The following DPH6 variants were observed in gnomAD, a reference collection of about 807,000 sequenced individuals.
The protein encoded by DPH6 is diphthamine biosynthesis 6.
DPH6 carries 33 observed loss-of-function variants against 38.2 expected under a neutral mutation model. The observed-to-expected ratio is 0.86, with a 90% confidence interval of 0.65 to 1.15. The LOEUF (loss-of-function observed/expected upper bound fraction) is 1.15, where lower values mean the gene tolerates loss of function less well. Ranked by LOEUF, DPH6 falls within the 50% of genes most tolerant of loss-of-function variation. DPH6 has a pLI of 0.00. For missense variants in DPH6, 325 were observed against 320.0 expected, an observed-to-expected ratio of 1.02 and a Z score of -0.12; for synonymous variants, 108 against 103.0, an observed-to-expected ratio of 1.05 and a Z score of -0.30.
downstream of DPH6, among the ~76,000 whole-genome samples, chr15:35,370,661 A>G (rs896652507): frequency 4.0e-5 from 6 of 151,718 alleles, no homozygotes; most frequent in African/African-American, 1.4e-4. Context: ...CCAGAATGGC[A>G]AAAGTCCAAA....
At chr15:35,530,951 C>T (rs892371480) in intron 3 of DPH6, among the ~76,000 whole-genome samples, 3 of 152,158 alleles carry the variant, frequency 2.0e-5, no homozygotes, top group African/African-American at 7.2e-5. Flanking sequence ...GCCAAGGGAC[C>T]AGGTTTAATA....
chr15:35,484,919 A>G (rs957495470), intron 3 of DPH6, among the ~76,000 whole-genome samples: 3 of 152,206 alleles, frequency 2.0e-5, no homozygotes, highest in African/African-American at 7.2e-5. Context: ...CAGAAACTAA[A>G]AGCAAGAAAG....
the DPH6 span, among the ~76,000 whole-genome samples, chr15:35,171,854 T>C: frequency 0.054 from 8,193 of 150,672 alleles, 742 homozygotes; most frequent in African/African-American, 0.19. Flanking sequence ...TTATAATATA[T>C]ATATATTCTT....
At chr15:35,206,551 G>A in the DPH6 span, among the ~76,000 whole-genome samples, 66 of 152,268 alleles carry the variant, frequency 4.3e-4, no homozygotes, top group African/African-American at 1.4e-3. Flanking sequence ...AACTTAGTAA[G>A]TGCCTGCTCC....
the DPH6 span, among the ~76,000 whole-genome samples, chr15:35,162,493 T>A: frequency 2.0e-5 from 3 of 152,062 alleles, no homozygotes; most frequent in Middle Eastern, 3.4e-3. Context: ...TTAGTCCTTC[T>A]GAAATACTCT....
the DPH6 span, among the ~76,000 whole-genome samples, chr15:35,194,369 CAGAGAGAGAGAG>C: frequency 1.3e-3 from 192 of 144,756 alleles, 1 homozygote; most frequent in Non-Finnish European, 2.1e-3. Flanking sequence ...TTCCTTTTTC[CAGAGAGAGAGAG>C]AGAGAGAGAG....
At chr15:35,171,656 A>G in the DPH6 span, among the ~76,000 whole-genome samples, 1 of 151,980 alleles carries the variant, frequency 6.6e-6, no homozygotes, top group South Asian at 2.1e-4. Flanking sequence ...GTGGGTATAT[A>G]TAAGTTGAGT....
chr15:35,484,473 T>C lies in DPH6; in HGVS notation c.313-29653A>G, dbSNP rs77207116. On this transcript the variant is annotated intron_variant, in intron 3 of 8. Coordinates refer to ENST00000256538, the MANE Select transcript of DPH6 (RefSeq NM_080650.4). ...GATAAGATGCACTTCTAATGTCATT[T>C]ATATGGCCGTTGGCAGAATTCAGTT... Among the ~76,000 whole-genome samples the C allele has an allele frequency of 2.4e-3, 366 of 152,318 alleles. 4 individuals are homozygous for C. The highest frequency in any genetic ancestry group is 0.012 in the East Asian group (61 of 5,176).
At chr15:35,218,999 CT>C (rs1373790911) in exon 4 of DPH6, 1 of 152,092 alleles carries the variant, frequency 6.6e-6, no homozygotes, top group African/African-American at 2.4e-5. Context: ...ATACAGTTTT[CT>C]TTTTAATTGA....
At chr15:35,291,279 A>T (rs1428630322) in intron 3 of DPH6, among the ~76,000 whole-genome samples, 1 of 152,100 alleles carries the variant, frequency 6.6e-6, no homozygotes, top group Non-Finnish European at 1.5e-5. Flanking sequence ...CATGGTGGAC[A>T]TTGTTTCTTT....
intron 3 of DPH6, among the ~76,000 whole-genome samples, chr15:35,221,343 G>A (rs2051440987): frequency 6.6e-6 from 1 of 152,134 alleles, no homozygotes; most frequent in Admixed American, 6.5e-5. Context: ...GAACTTCCCT[G>A]ACAGGGACTT....
chr15:35,412,888 C>T (rs746294211), intron 5 of DPH6, among the ~76,000 whole-genome samples: 3 of 151,540 alleles, frequency 2.0e-5, no homozygotes, highest in Non-Finnish European at 3.0e-5. Flanking sequence ...AAATACTCTG[C>T]ACGATACTAT....
chr15:35,407,656 A>C (rs1249351870), intron 6 of DPH6, among the ~76,000 whole-genome samples: 2 of 151,972 alleles, frequency 1.3e-5, no homozygotes, highest in Non-Finnish European at 1.5e-5. Context: ...GTTATCATTT[A>C]AATAATGAGA....
intron 5 of DPH6, among the ~76,000 whole-genome samples, chr15:35,432,183 G>A (rs1156228724): frequency 2.6e-5 from 4 of 151,972 alleles, no homozygotes; most frequent in Non-Finnish European, 4.4e-5. Context: ...AAAGCGTAGA[G>A]GTATATGAAA....
At chr15:35,462,693 T>C (rs1365683582) in intron 3 of DPH6, among the ~76,000 whole-genome samples, 1 of 152,250 alleles carries the variant, frequency 6.6e-6, no homozygotes, top group African/African-American at 2.4e-5. Context: ...GCCCTGGCTT[T>C]ATTTTCTTCA....
chr15:35,537,258 T>G (rs528390123), intron 3 of DPH6, among the ~76,000 whole-genome samples: 8 of 152,216 alleles, frequency 5.3e-5, no homozygotes, highest in Admixed American at 4.6e-4. Context: ...AAAACTGAAC[T>G]TCTCTGAAGA....
At chr15:35,339,746 A>C (rs1326959293) in intron 3 of DPH6, among the ~76,000 whole-genome samples, 1 of 152,038 alleles carries the variant, frequency 6.6e-6, no homozygotes, top group African/African-American at 2.4e-5. Context: ...GTGGTTGGAG[A>C]GACTGTTTTT....
the DPH6 span, among the ~76,000 whole-genome samples, chr15:35,152,541 C>T: frequency 1.3e-5 from 2 of 151,962 alleles, no homozygotes; most frequent in Non-Finnish European, 2.9e-5. Flanking sequence ...CTCTTGTTGC[C>T]CAGGCTGGAG....
At chr15:35,307,685 T>C (rs993103663) in intron 3 of DPH6, among the ~76,000 whole-genome samples, 1 of 152,184 alleles carries the variant, frequency 6.6e-6, no homozygotes, top group African/African-American at 2.4e-5. Context: ...ACCATGCTAC[T>C]ACTTTTCAAA....
Sources: allele counts gnomAD v4.1 joint callset (sites outside exome capture counted in the v4.1 genomes callset), GRCh38; gene constraint gnomAD v4.1.1; transcripts MANE v1.5; gene names NCBI Gene and HGNC (gene_info 2026-07-23, HGNC 2026-07-21).